The following CNGA1 variants were observed in gnomAD, a reference collection of about 807,000 sequenced individuals.
CNGA1 encodes the protein cyclic nucleotide gated channel subunit alpha 1.
In CNGA1, 53 loss-of-function variants were observed where a neutral mutation model predicts 69.7. The ratio of observed to expected loss-of-function variants is 0.76; its 90% CI spans 0.61 to 0.96. The LOEUF (loss-of-function observed/expected upper bound fraction) is 0.96, where lower values mean the gene tolerates loss of function less well. Ranked by LOEUF, CNGA1 falls within the 40% of genes least tolerant of loss-of-function variation. The pLI is 0.00. For missense variants in CNGA1, 739 were observed against 811.2 expected, an observed-to-expected ratio of 0.91 and a Z score of 1.08; for synonymous variants, 249 against 283.5, an observed-to-expected ratio of 0.88 and a Z score of 1.22.
intron 3 of CNGA1, among the ~76,000 whole-genome samples, chr4:47,978,993 CA>C (rs975718966): frequency 1.3e-5 from 2 of 152,082 alleles, no homozygotes; most frequent in African/African-American, 4.8e-5. Context: ...GCACTTGTCC[CA>C]GACTATCAAG....
At chr4:48,002,695 A>C (rs1257350088) in intron 2 of CNGA1, among the ~76,000 whole-genome samples, 1 of 151,056 alleles carries the variant, frequency 6.6e-6, no homozygotes, top group Non-Finnish European at 1.5e-5. Flanking sequence ...AAAAAAAAAA[A>C]AAAACAAAAA....
intron 2 of CNGA1, among the ~76,000 whole-genome samples, chr4:47,986,543 GTGTTT>G (rs1450148541): frequency 2.6e-5 from 4 of 151,976 alleles, no homozygotes; most frequent in Admixed American, 2.6e-4. Context: ...ATGAGAATCT[GTGTTT>G]TCATGTGTGT....
At chr4:48,011,140 G>A (rs373620077) in intron 1 of CNGA1, among the ~76,000 whole-genome samples, 9 of 152,012 alleles carry the variant, frequency 5.9e-5, no homozygotes, top group Non-Finnish European at 1.3e-4. Flanking sequence ...CTGATTGGTC[G>A]GGTGTGAGCT....
At chr4:47,968,964 T>C (rs996011267) in intron 3 of CNGA1, among the ~76,000 whole-genome samples, 4 of 151,910 alleles carry the variant, frequency 2.6e-5, no homozygotes, top group Admixed American at 6.6e-5. Flanking sequence ...AAAGTAAGAG[T>C]ACTGCATCAA....
chr4:47,968,295 A>G (rs1026173119), intron 3 of CNGA1, among the ~76,000 whole-genome samples: 31 of 152,208 alleles, frequency 2.0e-4, no homozygotes, highest in Non-Finnish European at 7.3e-5. Flanking sequence ...GATTGTTGAA[A>G]TAACAGATAT....
chr4:47,972,567 G>T (rs1741100022), intron 3 of CNGA1, among the ~76,000 whole-genome samples: 1 of 152,162 alleles, frequency 6.6e-6, no homozygotes, highest in Non-Finnish European at 1.5e-5. Context: ...TCAATCCGAT[G>T]GGTGAGCATT....
At chr4:47,957,607 G>A (rs1248276174) in intron 3 of CNGA1, among the ~76,000 whole-genome samples, 3 of 151,994 alleles carry the variant, frequency 2.0e-5, no homozygotes, top group African/African-American at 4.8e-5. Context: ...GTGACAGAGA[G>A]TGACCTCATC....
chr4:47,989,002 A>T (rs1417349554), intron 2 of CNGA1, among the ~76,000 whole-genome samples: 1 of 152,142 alleles, frequency 6.6e-6, no homozygotes, highest in African/African-American at 2.4e-5. Context: ...AGGATATTAC[A>T]TGCTAGACAC....
At chr4:47,979,237 C>T (rs1451678052) in intron 3 of CNGA1, among the ~76,000 whole-genome samples, 1 of 149,754 alleles carries the variant, frequency 6.7e-6, no homozygotes, top group Non-Finnish European at 1.5e-5. Context: ...GGGAGGATCG[C>T]TTGAGCCCAA....
chr4:47,956,542 C>T (rs1433178726), intron 3 of CNGA1, among the ~76,000 whole-genome samples: 1 of 152,228 alleles, frequency 6.6e-6, no homozygotes, highest in East Asian at 1.9e-4. Flanking sequence ...CTTCTAATGA[C>T]TCTTTGCATC....
chr4:47,971,102 T>TA lies in CNGA1; in HGVS notation c.-15+10290dup, dbSNP rs750445523. On this transcript the variant is annotated intron_variant, in intron 3 of 10. Coordinates refer to ENST00000514170, the MANE Select transcript of CNGA1 (RefSeq NM_001379270.1). ...CCTGGGCGAAGAGCGAGACTCCATC[T>TA]AAAAAAAAAAAATACAGTATGCTAC... 2,954 of 378,426 alleles carry TA rather than the reference T, an allele frequency of 7.8e-3. 1 individual carries two copies. The highest frequency in any genetic ancestry group is 0.01 in the South Asian group (507 of 50,364). 23.4% of individuals were successfully genotyped at this position (378,426 alleles called of 1,614,324 possible).
intron 3 of CNGA1, among the ~76,000 whole-genome samples, chr4:47,953,633 A>G (rs1351806888): frequency 3.3e-5 from 5 of 152,358 alleles, no homozygotes; most frequent in Admixed American, 3.3e-4. Context: ...GCTCAGGTAG[A>G]GGAGGCAGGG....
chr4:47,974,068 CTAGATAGATAGATAGATAGATAGA>C (rs66992308), intron 3 of CNGA1, among the ~76,000 whole-genome samples: 43 of 138,036 alleles, frequency 3.1e-4, no homozygotes, highest in East Asian at 8.7e-4. Context: ...AACCTGGTCT[CTAGATAGATAGATAGATAGATAGA>C]TAGATAGATA....
intron 2 of CNGA1, among the ~76,000 whole-genome samples, chr4:48,005,167 G>A (rs370293763): frequency 8.6e-5 from 13 of 152,010 alleles, no homozygotes; most frequent in African/African-American, 3.1e-4. Flanking sequence ...TGCCAGGATG[G>A]AGTGCAGAGG....
At chr4:48,009,799 C>T (rs6839185) in intron 2 of CNGA1, among the ~76,000 whole-genome samples, 15,897 of 152,104 alleles carry the variant, frequency 0.1, 1,314 homozygotes, top group East Asian at 0.32. Context: ...AGCGAAGCTC[C>T]ATCTCAAAAA....
intron 2 of CNGA1, among the ~76,000 whole-genome samples, chr4:48,007,947 G>A (rs1290069472): frequency 6.6e-6 from 1 of 152,110 alleles, no homozygotes; most frequent in Non-Finnish European, 1.5e-5. Context: ...CCTTTTAAAA[G>A]GGGAGAGAAA....
intron 2 of CNGA1, among the ~76,000 whole-genome samples, chr4:47,998,191 A>G (rs1030034145): frequency 6.6e-6 from 1 of 152,216 alleles, no homozygotes; most frequent in African/African-American, 2.4e-5. Flanking sequence ...TTGTTTAGCT[A>G]AGGAGTCAGA....
At chr4:47,956,243 G>T (rs1270463868) in intron 3 of CNGA1, among the ~76,000 whole-genome samples, 1 of 152,182 alleles carries the variant, frequency 6.6e-6, no homozygotes, top group Non-Finnish European at 1.5e-5. Context: ...GCAGGGACAC[G>T]TTGGATATTC....
At chr4:47,938,416 CAG>C (rs1738824981) in intron 10 of CNGA1, among the ~76,000 whole-genome samples, 2 of 141,608 alleles carry the variant, frequency 1.4e-5, no homozygotes, top group Admixed American at 7.1e-5. Context: ...TTTTTTGAGT[CAG>C]AGTCTTGCTC....
Sources: gnomAD v4.1 joint callset for allele counts (sites outside exome capture counted in the v4.1 genomes callset) on GRCh38, gnomAD v4.1.1 for gene constraint, MANE v1.5 for transcripts, NCBI Gene and HGNC (gene_info 2026-07-23, HGNC 2026-07-21) for gene names.